The following ASAP1 variants were observed in gnomAD, a reference collection of about 807,000 sequenced individuals.
The protein encoded by ASAP1 is ArfGAP with SH3 domain, ankyrin repeat and PH domain 1.
In ASAP1, 43 loss-of-function variants were observed where a neutral mutation model predicts 145.2. The observed-to-expected ratio is 0.30, with a 90% CI of 0.23 to 0.38. The LOEUF (loss-of-function observed/expected upper bound fraction) is 0.38. ASAP1 is among the 10% of genes least tolerant of loss of function. The pLI is 1.00. For synonymous variants in ASAP1, 546 were observed against 515.5 expected (o/e 1.06, Z -0.80); for missense variants, 1,018 against 1,355.3 (o/e 0.75, Z 3.91).
chr8:130,367,511 T>C (rs1392197923), intron 2 of ASAP1, among the ~76,000 whole-genome samples: 3 of 152,196 alleles, frequency 2.0e-5, no homozygotes, highest in Non-Finnish European at 2.9e-5. Flanking sequence ...TTTGTGACTT[T>C]TGCACCAAGA....
chr8:130,308,463 G>A (rs1586801441), intron 3 of ASAP1, among the ~76,000 whole-genome samples: 3 of 152,250 alleles, frequency 2.0e-5, no homozygotes, highest in Middle Eastern at 3.4e-3. Flanking sequence ...AGATACGGAT[G>A]TTCTTTTTAA....
chr8:130,288,402 C>A (rs796868964), intron 3 of ASAP1, among the ~76,000 whole-genome samples: 5 of 151,928 alleles, frequency 3.3e-5, no homozygotes, highest in African/African-American at 1.2e-4. Context: ...AAGAGGATAT[C>A]TTTGAGAATA....
chr8:130,289,920 A>T (rs1821848314), intron 3 of ASAP1, among the ~76,000 whole-genome samples: 1 of 152,232 alleles, frequency 6.6e-6, no homozygotes, highest in Non-Finnish European at 1.5e-5. Flanking sequence ...TAAAAGCCTC[A>T]TGAAACAAAA....
At chr8:130,418,477 G>A (rs1829579979) in intron 1 of ASAP1, among the ~76,000 whole-genome samples, 4 of 152,118 alleles carry the variant, frequency 2.6e-5, no homozygotes, top group Admixed American at 2.6e-4. Context: ...GAACTCAGGA[G>A]GCGGAGGTTG....
At position 130,160,018 on chromosome 8, in the gene ASAP1, T is replaced by G. The variant is rs1586475939; in HGVS notation, c.910-54A>C. On this transcript the variant is annotated intron_variant, in intron 11 of 29. Coordinates refer to ENST00000518721, the MANE Select transcript of ASAP1 (RefSeq NM_018482.4). ...AAAACTAGAGACAATTCTCCCATCT[T>G]TGATTCTATTCTGCCATTGAGCCTT... 6.1e-6 allele frequency: 9 copies of G among 1,474,100 alleles called. No homozygotes were observed. In the East Asian group the frequency reaches 2.0e-4, roughly 33 times the overall value. The allele number at this position is 1,474,100 out of a possible 1,614,324, so 91.3% of individuals were successfully genotyped here.
chr8:130,364,582 T>G (rs1332080453), intron 2 of ASAP1, among the ~76,000 whole-genome samples: 1 of 152,196 alleles, frequency 6.6e-6, no homozygotes, highest in Non-Finnish European at 1.5e-5. Context: ...ATGCTTTTTC[T>G]GTTGGGGTAT....
At chr8:130,079,594 T>C (rs557669429) in intron 26 of ASAP1, among the ~76,000 whole-genome samples, 1 of 152,226 alleles carries the variant, frequency 6.6e-6, no homozygotes, top group South Asian at 2.1e-4. Context: ...TAAAAACTCA[T>C]TCTGACAGGA....
intron 16 of ASAP1, among the ~76,000 whole-genome samples, chr8:130,127,723 A>G (rs2097577185): frequency 6.6e-6 from 1 of 152,104 alleles, no homozygotes; most frequent in South Asian, 2.1e-4. Context: ...CACCTAGGAG[A>G]GCAAGAGGGG....
chr8:130,214,341 A>G (rs981809072), intron 5 of ASAP1, among the ~76,000 whole-genome samples: 4 of 152,174 alleles, frequency 2.6e-5, no homozygotes, highest in African/African-American at 9.7e-5. Context: ...AATTCCAGGA[A>G]TTTCACAATG....
intron 3 of ASAP1, among the ~76,000 whole-genome samples, chr8:130,349,600 A>G (rs1825883571): frequency 6.6e-6 from 1 of 152,170 alleles, no homozygotes; most frequent in South Asian, 2.1e-4. Context: ...TAACCTTGGC[A>G]AGAGAATTTC....
At position 130,390,553 on chromosome 8, in the gene ASAP1, G is replaced by A. The variant is rs142027661; in HGVS notation, c.59+11332C>T. On this transcript the variant is annotated intron_variant, in intron 2 of 29. Coordinates refer to ENST00000518721, the MANE Select transcript of ASAP1 (RefSeq NM_018482.4). ...TACCTGTTAGATATCTATTTCCCCT[G>A]ACATACTCTGAGTGCCGTGAAGGCA... Among the ~76,000 whole-genome samples, 24 of 152,294 alleles carry A rather than the reference G, an allele frequency of 1.6e-4. No individual in the cohort carries two copies. In the South Asian group the frequency reaches 2.3e-3, roughly 14 times the overall value.
intron 24 of ASAP1, among the ~76,000 whole-genome samples, chr8:130,102,730 G>A (rs2135508604): frequency 6.6e-6 from 1 of 152,294 alleles, no homozygotes; most frequent in East Asian, 1.9e-4. Flanking sequence ...CTGTCACCCA[G>A]GCTGGAGTGC....
intron 2 of ASAP1, among the ~76,000 whole-genome samples, chr8:130,370,549 T>C (rs748619121): frequency 2.4e-4 from 37 of 152,182 alleles, no homozygotes; most frequent in Admixed American, 5.2e-4. Flanking sequence ...CACTCCTAGG[T>C]ATATACACAA....
rs60433249 is a variant in ASAP1 at position 130,114,769 on chromosome 8, A to ATTT, written c.2172+856_2172+858dup. The stretch of plus-strand genomic sequence containing the variant: ...TACTAATTACTTGTTTTGAAGGTTA[A>ATTT]TTTTTTTTTTTTTTTTTTTTAAGAT... On this transcript the variant is annotated intron_variant, in intron 23 of 29. Coordinates refer to ENST00000518721, the MANE Select transcript of ASAP1 (RefSeq NM_018482.4). 1.6e-3 allele frequency among the ~76,000 whole-genome samples: 214 copies of ATTT among 134,916 alleles called. 2 individuals carry two copies. The highest frequency in any genetic ancestry group is 3.8e-3 in the Middle Eastern group (1 of 260). The allele number at this position is 134,916 out of a possible 152,430, so 88.5% of individuals were successfully genotyped here. A position where few individuals can be genotyped will look rare whatever the true frequency, so the allele number is the denominator to read the frequency against.
At chr8:130,221,910 T>C (rs1817314277) in intron 4 of ASAP1, among the ~76,000 whole-genome samples, 1 of 152,168 alleles carries the variant, frequency 6.6e-6, no homozygotes, top group Non-Finnish European at 1.5e-5. Flanking sequence ...CTCACAGAGA[T>C]GTTATTAAAT....
At chr8:130,294,599 T>A (rs553650088) in intron 3 of ASAP1, among the ~76,000 whole-genome samples, 3 of 152,248 alleles carry the variant, frequency 2.0e-5, no homozygotes, top group Non-Finnish European at 4.4e-5. Flanking sequence ...TATGTTTAAG[T>A]GTCCAACACA....
chr8:130,334,640 A>G (rs1824920678), intron 3 of ASAP1, among the ~76,000 whole-genome samples: 1 of 152,236 alleles, frequency 6.6e-6, no homozygotes, highest in African/African-American at 2.4e-5. Context: ...TCAGAGGGAA[A>G]AAAACACAAG....
intron 5 of ASAP1, among the ~76,000 whole-genome samples, chr8:130,188,400 A>C (rs960743873): frequency 1.3e-5 from 2 of 152,176 alleles, no homozygotes; most frequent in Non-Finnish European, 2.9e-5. Context: ...TCATTTGTGC[A>C]GAACCATAAA....
At chr8:130,060,285 A>G (rs2097415990) in intron 28 of ASAP1, among the ~76,000 whole-genome samples, 1 of 152,108 alleles carries the variant, frequency 6.6e-6, no homozygotes, top group Non-Finnish European at 1.5e-5. Context: ...GAGCTCAAAT[A>G]TTGTATTAGC....
Sources: allele counts gnomAD v4.1 joint callset (sites outside exome capture counted in the v4.1 genomes callset), GRCh38; gene constraint gnomAD v4.1.1; transcripts MANE v1.5; gene names NCBI Gene and HGNC (gene_info 2026-07-23, HGNC 2026-07-21).